Variants in ERBB4 observed in about 807,000 individuals in gnomAD.
ERBB4 encodes erb-b2 receptor tyrosine kinase 4, also known as receptor tyrosine-protein kinase erbB-4.
A neutral mutation model predicts 158.0 loss-of-function variants in ERBB4; 42 were observed. That is an observed-to-expected ratio of 0.27 (90% CI 0.21 to 0.34). The LOEUF is 0.34. ERBB4 is among the 10% of genes least tolerant of loss of function. The pLI, the probability that ERBB4 is intolerant of heterozygous loss-of-function variation, is 1.00. For synonymous variants in ERBB4, 583 were observed against 558.7 expected (o/e 1.04, Z -0.61); for missense variants, 1,333 against 1,624.1 (o/e 0.82, Z 3.08).
At chr2:211,713,282 T>G (rs1295137860) in intron 8 of ERBB4, among the ~76,000 whole-genome samples, 1 of 152,172 alleles carries the variant, frequency 6.6e-6, no homozygotes, top group Non-Finnish European at 1.5e-5. Context: ...ACAGGCAACT[T>G]TATTTCTGAG....
rs767372601 is a variant in ERBB4 at position 211,746,139 on chromosome 2, G to A, written c.622+4500C>T. Among the ~76,000 whole-genome samples the A allele has an allele frequency of 1.2e-4, 18 of 152,200 alleles. 2 individuals are homozygous for A. Among genetic ancestry groups the A allele is most frequent in the African/African-American group, 4.3e-4 (18 of 41,514 alleles). On this transcript the variant is annotated intron_variant, in intron 5 of 27. Transcript: ENST00000342788. ...TTGTATACTATTCTAACATTTGGCCGGTGTGGTGGCTCACACCTGTAATCC... is the reference window on the plus strand; with the variant it reads ...TTGTATACTATTCTAACATTTGGCCAGTGTGGTGGCTCACACCTGTAATCC...
chr2:211,807,145 AT>A (rs1000849925), intron 3 of ERBB4, among the ~76,000 whole-genome samples: 23 of 150,704 alleles, frequency 1.5e-4, no homozygotes, highest in East Asian at 3.9e-4. Context: ...GAGACTGTTG[AT>A]TTTTTTTTTA....
intron 1 of ERBB4, among the ~76,000 whole-genome samples, chr2:212,148,062 T>A (rs2080741567): frequency 6.6e-6 from 1 of 152,170 alleles, no homozygotes; most frequent in African/African-American, 2.4e-5. Flanking sequence ...ATGAACAATA[T>A]GTTATTAGTA....
At chr2:212,067,417 T>G (rs978205761) in intron 2 of ERBB4, among the ~76,000 whole-genome samples, 3 of 151,986 alleles carry the variant, frequency 2.0e-5, no homozygotes, top group Admixed American at 1.3e-4. Flanking sequence ...TTATTCACTG[T>G]TTTTGAGTTT....
intron 20 of ERBB4, among the ~76,000 whole-genome samples, chr2:211,518,580 G>A (rs2066102187): frequency 6.6e-6 from 1 of 152,010 alleles, no homozygotes; most frequent in Admixed American, 6.6e-5. Flanking sequence ...CTTGAACCTG[G>A]GAGGCGGAGG....
At chr2:212,370,047 G>T (rs2090032742) in intron 1 of ERBB4, among the ~76,000 whole-genome samples, 1 of 152,108 alleles carries the variant, frequency 6.6e-6, no homozygotes, top group Admixed American at 6.6e-5. Flanking sequence ...GATTGACATG[G>T]TTTGGCTCTG....
At chr2:212,343,074 T>A (rs919155608) in intron 1 of ERBB4, among the ~76,000 whole-genome samples, 1 of 152,200 alleles carries the variant, frequency 6.6e-6, no homozygotes, top group African/African-American at 2.4e-5. Context: ...ATGGTCTGAA[T>A]AATTTGATAG....
At position 211,713,419 on chromosome 2, in the gene ERBB4, G is replaced by C. The variant is rs2073779482; in HGVS notation, c.997+116C>G. ...CTGTTCAAAATTATGGAAAGCGTGT[G>C]GGTAGGTTTGGTTGTGAGAGTGGGT... On this transcript the variant is annotated intron_variant, in intron 8 of 27. Coordinates refer to ENST00000342788, the MANE Select transcript of ERBB4 (RefSeq NM_005235.3). 3 of 714,786 alleles carry C rather than the reference G, an allele frequency of 4.2e-6. No individual in the cohort carries two copies. In the South Asian group the frequency reaches 4.5e-5, roughly 11 times the overall value. The allele number at this position is 714,786 out of a possible 1,614,324, so 44.3% of individuals were successfully genotyped here.
intron 2 of ERBB4, among the ~76,000 whole-genome samples, chr2:212,044,707 T>C (rs556402482): frequency 5.3e-5 from 8 of 152,318 alleles, no homozygotes; most frequent in African/African-American, 1.7e-4. Context: ...TTGGCTAATA[T>C]GTTATCTGGA....
At chr2:211,499,472 G>T (rs142677852) in intron 20 of ERBB4, among the ~76,000 whole-genome samples, 5,051 of 152,056 alleles carry the variant, frequency 0.033, 148 homozygotes, top group Non-Finnish European at 0.051. Context: ...GCAGTGAGCC[G>T]AGATAGCGCC....
In ERBB4 at chr2:211,382,981, T is replaced by C. The variant is rs2062598768; in HGVS notation, c.*634A>G. The stretch of plus-strand genomic sequence containing the variant: ...AAACAAAATGAAAAAAACCAAAAAG[T>C]GTTGAAAACATAATTACTAGTTATA... On this transcript the variant is annotated 3_prime_UTR_variant, in exon 28 of 28. Coordinates refer to ENST00000342788, the MANE Select transcript of ERBB4 (RefSeq NM_005235.3). 1 of 231,736 alleles carries C rather than the reference T, an allele frequency of 4.3e-6. No homozygotes were observed. Among genetic ancestry groups the C allele is most frequent in the South Asian group, 1.8e-4 (1 of 5,506 alleles). The allele number at this position is 231,736 out of a possible 1,614,324, so 14.4% of individuals were successfully genotyped here. A position where few individuals can be genotyped will look rare whatever the true frequency, so the allele number is the denominator to read the frequency against.
chr2:212,513,642 T>A lies in ERBB4; in HGVS notation c.82+24807A>T, dbSNP rs148967208. Among the ~76,000 whole-genome samples, 222 of 152,120 alleles carry A rather than the reference T, an allele frequency of 1.5e-3. 1 individual carries two copies. Among genetic ancestry groups the A allele is most frequent in the African/African-American group, 4.8e-3 (201 of 41,514 alleles). ...CTTGGCTAACACGGTGAAGCCCGTC[T>A]CTACTAAAAATACAAAAAATTAGCC... On this transcript the variant is annotated intron_variant, in intron 1 of 27. Coordinates refer to ENST00000342788, the MANE Select transcript of ERBB4 (RefSeq NM_005235.3).
chr2:211,924,479 AAAAT>A (rs1442677557), intron 3 of ERBB4, among the ~76,000 whole-genome samples: 1 of 152,188 alleles, frequency 6.6e-6, no homozygotes, highest in African/African-American at 2.4e-5. Flanking sequence ...AAAATAAAAA[AAAAT>A]AAAAGCACAT....
At chr2:212,187,012 T>C (rs2082033746) in intron 1 of ERBB4, among the ~76,000 whole-genome samples, 1 of 152,108 alleles carries the variant, frequency 6.6e-6, no homozygotes, top group South Asian at 2.1e-4. Flanking sequence ...TACTAAGACT[T>C]ACATTTTTCC....
intron 3 of ERBB4, among the ~76,000 whole-genome samples, chr2:211,917,306 A>G (rs1423695326): frequency 1.4e-5 from 2 of 143,046 alleles, no homozygotes; most frequent in East Asian, 4.4e-4. Context: ...GCTGTGTGCT[A>G]CAGAGATATG....
chr2:212,043,182 C>T (rs2077180028), intron 2 of ERBB4, among the ~76,000 whole-genome samples: 1 of 152,128 alleles, frequency 6.6e-6, no homozygotes, highest in African/African-American at 2.4e-5. Flanking sequence ...TAAGTCTTTA[C>T]TTAAGTGACA....
intron 20 of ERBB4, among the ~76,000 whole-genome samples, chr2:211,508,856 G>A (rs2065818111): frequency 6.6e-6 from 1 of 152,130 alleles, no homozygotes; most frequent in African/African-American, 2.4e-5. Flanking sequence ...AGTGAACCCA[G>A]GAGGCGGAGC....
At chr2:211,468,231 A>C (rs2064743969) in intron 20 of ERBB4, among the ~76,000 whole-genome samples, 1 of 152,186 alleles carries the variant, frequency 6.6e-6, no homozygotes, top group Non-Finnish European at 1.5e-5. Flanking sequence ...CATGCAGGCA[A>C]GGATATGCTA....
rs550374436 is a variant in ERBB4, at chr2:211,557,473, C to A, written c.2487+4430G>T. ...GCAAAGGACATGAACAGACACTTTT[C>A]AAAAGAAGTCGTACACGCAACCAGC... is the stretch of plus-strand genomic sequence containing the variant. On this transcript the variant is annotated intron_variant, in intron 20 of 27. Coordinates refer to ENST00000342788, the MANE Select transcript of ERBB4 (RefSeq NM_005235.3). Among the ~76,000 whole-genome samples, 4 of 152,182 alleles carry A rather than the reference C, an allele frequency of 2.6e-5. No homozygotes were observed. The East Asian group carries it at 7.7e-4, about 29-fold the overall frequency.
Sources: allele counts gnomAD v4.1 joint callset (sites outside exome capture counted in the v4.1 genomes callset), GRCh38; gene constraint gnomAD v4.1.1; transcripts MANE v1.5; gene names NCBI Gene and HGNC (gene_info 2026-07-23, HGNC 2026-07-21).